Variants in CORO7 observed in about 807,000 individuals in gnomAD.
CORO7 encodes coronin 7, also known as coronin-7.
CORO7 carries 107 observed loss-of-function variants against 126.6 expected under a neutral mutation model. That is an observed-to-expected ratio of 0.85 (90% CI 0.72 to 0.99). The LOEUF is 0.99. CORO7 is among the 50% of genes least tolerant of loss of function. The probability of loss-of-function intolerance (pLI) is 0.00; values close to 1 mark genes in which losing one functional copy is unlikely to be tolerated. For missense variants in CORO7, 1,314 were observed against 1,255.8 expected (o/e 1.05, Z -0.70); for synonymous variants, 603 against 536.8 (o/e 1.12, Z -1.70).
chr16:4,410,670 T>C (rs1030311387), intron 3 of CORO7, among the ~76,000 whole-genome samples: 1 of 152,110 alleles, frequency 6.6e-6, no homozygotes, highest in African/African-American at 2.4e-5. Flanking sequence ...CCAAAGACCG[T>C]GTATTGTGCG....
chr16:4,412,482 C>A, intron 2 of CORO7, 52 bp from the exon 3 acceptor site: 1 of 1,597,804 alleles, frequency 6.3e-7, no homozygotes, highest in South Asian at 1.1e-5. Flanking sequence ...GGCCACCCAC[C>A]TCCTTGCCCA....
In CORO7 at chr16:4,408,249, G is replaced by C. The variant is rs2056081681; in HGVS notation, c.235C>G (p.Leu79Val). The change falls in exon 4 of 28, where the codon CTA becomes GTA. Residue 79 changes from leucine to valine, a missense_variant and splice_region_variant. Coordinates refer to ENST00000251166, the MANE Select transcript of CORO7 (RefSeq NM_024535.5). ...RVAHLGCHSDLVTDLDFSPFD... is the reference protein window; with the variant it reads ...RVAHLGCHSDVVTDLDFSPFD... Reference sequence around the variant, plus strand: ...GGCGAGAAGTCCAAGTCGGTGACTAGGTCTGTGGGAGAGGAATGGCTGAAC... The same window carrying C: ...GGCGAGAAGTCCAAGTCGGTGACTACGTCTGTGGGAGAGGAATGGCTGAAC... 6.2e-7 allele frequency: 1 copy of C among 1,614,232 alleles called. No individual in the cohort carries two copies. Among genetic ancestry groups the C allele is most frequent in the Non-Finnish European group, 8.5e-7 (1 of 1,180,046 alleles).
intron 4 of CORO7, 93 bp from the exon 5 acceptor site, chr16:4,407,777 T>A: frequency 2.1e-6 from 3 of 1,421,900 alleles, no homozygotes; most frequent in Non-Finnish European, 2.8e-6. Context: ...GTGTTGGAAC[T>A]AGGCTGCTCC....
At chr16:4,394,163 T>C (rs1365841027) in intron 7 of CORO7, among the ~76,000 whole-genome samples, 1 of 151,266 alleles carries the variant, frequency 6.6e-6, no homozygotes, top group African/African-American at 2.4e-5. Flanking sequence ...TCCCTAATGG[T>C]GGCCGGACAC....
chr16:4,415,220 T>C (rs2056362489), intron 1 of CORO7, among the ~76,000 whole-genome samples: 1 of 152,116 alleles, frequency 6.6e-6, no homozygotes, highest in African/African-American at 2.4e-5. Context: ...CCGGTGGCCC[T>C]TGGGTTCTGC....
intron 2 of CORO7, chr16:4,413,083 C>T: frequency 2.1e-6 from 1 of 465,204 alleles, no homozygotes; most frequent in Non-Finnish European, 3.8e-6. Flanking sequence ...ATGCTCTTGC[C>T]TGTGGTTTGT....
At chr16:4,356,903 G>A (rs1370479485) in intron 26 of CORO7, 2 of 536,472 alleles carry the variant, frequency 3.7e-6, no homozygotes, top group East Asian at 3.4e-5. Context: ...ATACTCCAAG[G>A]TCCCAAAAGC....
intron 7 of CORO7, among the ~76,000 whole-genome samples, chr16:4,394,564 C>T (rs1218122080): frequency 6.6e-6 from 1 of 152,248 alleles, no homozygotes; most frequent in Non-Finnish European, 1.5e-5. Flanking sequence ...TCCTTCAGGC[C>T]ATCTATGTCT....
intron 6 of CORO7, among the ~76,000 whole-genome samples, chr16:4,404,310 C>G (rs917391657): frequency 6.6e-6 from 1 of 152,146 alleles, no homozygotes; most frequent in Non-Finnish European, 1.5e-5. Flanking sequence ...CCCAGCAACC[C>G]CGACAGGTCT....
Position 4,412,385 on chromosome 16 carries a change from C to T in CORO7, c.203G>A (p.Arg68Gln), listed in dbSNP as rs767817850. 10 of 1,614,072 alleles carry T rather than the reference C, an allele frequency of 6.2e-6. No homozygotes were observed. The highest frequency in any genetic ancestry group is 1.3e-5 in the African/African-American group (1 of 74,910). The change falls in exon 3 of 28, where the codon CGA becomes CAA. Residue 68 changes from arginine (R) to glutamine (Q), a missense_variant. Physicochemically the swap from Arg to Gln is conservative, Grantham distance 43. Coordinates refer to ENST00000251166, the MANE Select transcript of CORO7 (RefSeq NM_024535.5). ...ATGGCAGCCCAGGTGGGCCACGCGT[C>T]GCTTGTCCTCTCCTTGGCCTTGCAG... ...VPLQGQGEDK[R>Q]RVAHLGCHSD...
chr16:4,408,609 C>G (rs1161851616), intron 3 of CORO7, among the ~76,000 whole-genome samples: 1 of 152,210 alleles, frequency 6.6e-6, no homozygotes, highest in East Asian at 1.9e-4. Flanking sequence ...CAGGACTCAA[C>G]TAAGAAATTG....
chr16:4,410,183 G>C (rs1191713321), intron 3 of CORO7, among the ~76,000 whole-genome samples: 1 of 152,140 alleles, frequency 6.6e-6, no homozygotes, highest in Non-Finnish European at 1.5e-5. Flanking sequence ...TCAGCACTTT[G>C]GGAGGCCAAG....
At chr16:4,403,090 G>A (rs1177324011) in intron 6 of CORO7, among the ~76,000 whole-genome samples, 3 of 151,774 alleles carry the variant, frequency 2.0e-5, no homozygotes, top group Admixed American at 6.6e-5. Flanking sequence ...CAGGCAGCCC[G>A]TGGCATGAGC....
At chr16:4,390,670 A>C (rs538539473) in intron 7 of CORO7, among the ~76,000 whole-genome samples, 1 of 152,314 alleles carries the variant, frequency 6.6e-6, no homozygotes, top group East Asian at 1.9e-4. Context: ...GGCTAAGGCT[A>C]GGGGTGGGAC....
intron 9 of CORO7, chr16:4,381,667 G>C: frequency 6.2e-7 from 1 of 1,605,052 alleles, no homozygotes; most frequent in Non-Finnish European, 8.5e-7. Context: ...GGCCGGCCTG[G>C]CTGCCCTGCA....
chr16:4,359,297 T>G lies in CORO7; in HGVS notation c.2339A>C (p.Lys780Thr). ...GACGAGGCGCCAGGGTGGCCTCACC[T>G]TGTGGGGGTCAGGCGACGTGAAGCT... ...CNSFTSPDPH[K>T]GLVLLPKTEC... is the part of the protein sequence containing the mutation. Residue 780 changes from lysine (K) to threonine (T), a missense_variant and splice_region_variant, in exon 23 of 28, where the codon AAG becomes ACG. By Grantham distance (78) the Lys-to-Thr change is moderately conservative. Transcript: ENST00000251166. 1 of 1,603,472 alleles carries G rather than the reference T, an allele frequency of 6.2e-7. No individual in the cohort carries two copies. The highest frequency in any genetic ancestry group is 8.5e-7 in the Non-Finnish European group (1 of 1,175,990).
At chr16:4,414,707 CCTAT>C (rs1262134513) in intron 1 of CORO7, among the ~76,000 whole-genome samples, 3 of 152,164 alleles carry the variant, frequency 2.0e-5, no homozygotes, top group Non-Finnish European at 4.4e-5. Context: ...TAGTTCCATG[CCTAT>C]CTGTTTATGT....
At chr16:4,358,244 G>A (rs1025468658) in intron 24 of CORO7, 123 bp downstream of exon 24, 23 of 1,526,454 alleles carry the variant, frequency 1.5e-5, no homozygotes, top group Middle Eastern at 3.5e-4. Flanking sequence ...CTCAGCAGAA[G>A]GGGGTAGGTG....
intron 9 of CORO7, chr16:4,387,701 T>G (rs1233158704): frequency 1.9e-6 from 1 of 527,240 alleles, no homozygotes; most frequent in Non-Finnish European, 3.4e-6. Context: ...TCTCCCTGAA[T>G]GCCAAGCATA....
Sources: allele counts gnomAD v4.1 joint callset (sites outside exome capture counted in the v4.1 genomes callset), GRCh38; gene constraint gnomAD v4.1.1; transcripts MANE v1.5; gene names NCBI Gene and HGNC (gene_info 2026-07-23, HGNC 2026-07-21).